RAD51B: variants seen among roughly 807,000 people sequenced by gnomAD.
RAD51B encodes RAD51 paralog B, also known as DNA repair protein RAD51 homolog 2.
A neutral mutation model predicts 42.2 loss-of-function variants in RAD51B; 38 were observed. The ratio of observed to expected loss-of-function variants is 0.90; its 90% CI spans 0.70 to 1.18. RAD51B has a LOEUF of 1.18. Among genes scored for constraint, RAD51B ranks in the 50% most tolerant of loss-of-function variants. The pLI, the probability that RAD51B is intolerant of heterozygous loss-of-function variation, is 0.00. For missense variants in RAD51B, 373 were observed against 400.7 expected, an observed-to-expected ratio of 0.93 and a Z score of 0.59; for synonymous variants, 154 against 145.2, an observed-to-expected ratio of 1.06 and a Z score of -0.43.
intron 7 of RAD51B, among the ~76,000 whole-genome samples, chr14:68,143,885 T>C (rs1256259097): frequency 6.6e-6 from 1 of 152,154 alleles, no homozygotes. Flanking sequence ...CTCACTCTCT[T>C]TCCTTGGCAA....
At chr14:68,255,176 A>G (rs1363908266) in intron 7 of RAD51B, among the ~76,000 whole-genome samples, 1 of 151,588 alleles carries the variant, frequency 6.6e-6, no homozygotes, top group African/African-American at 2.4e-5. Context: ...AAAAACATTA[A>G]TATCTTACGG....
At chr14:68,010,011 A>G (rs528159863) in intron 7 of RAD51B, among the ~76,000 whole-genome samples, 1 of 151,912 alleles carries the variant, frequency 6.6e-6, no homozygotes, top group East Asian at 1.9e-4. Context: ...GTTAACTGCC[A>G]CCTGTTTTGT....
chr14:68,671,482 T>C (rs1363974566), intron 11 of RAD51B, among the ~76,000 whole-genome samples: 2 of 152,054 alleles, frequency 1.3e-5, no homozygotes, highest in South Asian at 4.2e-4. Context: ...TCCTTGCTCA[T>C]TCCATTCCCT....
At chr14:68,392,064 T>C (rs3784117) in intron 8 of RAD51B, among the ~76,000 whole-genome samples, 16,832 of 152,250 alleles carry the variant, frequency 0.11, 1,223 homozygotes, top group East Asian at 0.35. Flanking sequence ...ACAGGTTTTC[T>C]AAAGGCTCAG....
At chr14:68,444,375 G>A (rs1430411653) in intron 9 of RAD51B, among the ~76,000 whole-genome samples, 1 of 152,130 alleles carries the variant, frequency 6.6e-6, no homozygotes, top group Non-Finnish European at 1.5e-5. Context: ...AAAAGTTGTA[G>A]TCACTGGATT....
chr14:68,525,870 A>G (rs1421257863), intron 10 of RAD51B, among the ~76,000 whole-genome samples: 1 of 152,200 alleles, frequency 6.6e-6, no homozygotes, highest in Non-Finnish European at 1.5e-5. Flanking sequence ...AACCTGAGCC[A>G]TTCTTGGGTT....
At chr14:68,338,962 T>C (rs2082514777) in intron 8 of RAD51B, 1 of 659,010 alleles carries the variant, frequency 1.5e-6, no homozygotes, top group Non-Finnish European at 2.8e-6. Flanking sequence ...TGTCCCAGTC[T>C]TGCCTTCCCC....
At chr14:68,199,216 G>A (rs1483676821) in intron 7 of RAD51B, among the ~76,000 whole-genome samples, 1 of 152,098 alleles carries the variant, frequency 6.6e-6, no homozygotes, top group Admixed American at 6.6e-5. Context: ...CTCCAACTGT[G>A]TCCAGACCAG....
chr14:68,044,056 C>T (rs72725174), intron 7 of RAD51B, among the ~76,000 whole-genome samples: 19,671 of 152,190 alleles, frequency 0.13, 1,485 homozygotes, highest in Middle Eastern at 0.29. Flanking sequence ...ATGACAAAAA[C>T]AGGTTTTTTC....
At chr14:68,539,073 A>G (rs1217038971) in intron 10 of RAD51B, among the ~76,000 whole-genome samples, 1 of 152,192 alleles carries the variant, frequency 6.6e-6, no homozygotes, top group Non-Finnish European at 1.5e-5. Context: ...GTATGGATAA[A>G]TGCCTATAAT....
Position 68,444,440 on chromosome 14 carries a change from TTGTGTGTGTGTGTGTG to T in RAD51B, c.958-23716_958-23701del, listed in dbSNP as rs3837661. On this transcript the variant is annotated intron_variant, in intron 9 of 10. Coordinates refer to ENST00000471583, the MANE Select transcript of RAD51B (RefSeq NM_133510.4). ...TTCCACAGGTGGAAAGAATTGTGAA[TTGTGTGTGTGTGTGTG>T]TGTGTGTGTGTGTGTTTTGAGGTGA... is the stretch of plus-strand genomic sequence containing the variant. Among the ~76,000 whole-genome samples, 11 of 150,268 alleles carry T rather than the reference TTGTGTGTGTGTGTGTG, an allele frequency of 7.3e-5. No individual in the cohort carries two copies. The East Asian group carries it at 1.2e-3, about 16-fold the overall frequency.
chr14:68,343,799 C>T (rs2082617629), intron 8 of RAD51B, among the ~76,000 whole-genome samples: 1 of 152,262 alleles, frequency 6.6e-6, no homozygotes, highest in Admixed American at 6.5e-5. Context: ...GCTTGAGACA[C>T]TGCTGTCTGC....
rs3043929 is a variant in RAD51B, at chr14:67,904,510, CTTT to C, written c.756+17323_756+17325del. 9.9e-3 allele frequency among the ~76,000 whole-genome samples: 1,186 copies of C among 120,212 alleles called. 18 individuals carry two copies. The highest frequency in any genetic ancestry group is 0.036 in the African/African-American group (1,118 of 30,750). 78.9% of individuals were successfully genotyped at this position (120,212 alleles called of 152,430 possible). A position where few individuals can be genotyped will look rare whatever the true frequency, so the allele number is the denominator to read the frequency against. On this transcript the variant is annotated intron_variant, in intron 7 of 10. Coordinates refer to ENST00000471583, the MANE Select transcript of RAD51B (RefSeq NM_133510.4). ...TTTCTCTAATGATTAGGAATGTTGACTTTTTTTTTTTTTTTTTTTGAGATGGAG... is the reference window on the plus strand; with the variant it reads ...TTTCTCTAATGATTAGGAATGTTGACTTTTTTTTTTTTTTTTGAGATGGAG...
intron 7 of RAD51B, among the ~76,000 whole-genome samples, chr14:68,261,220 G>A (rs780811356): frequency 2.0e-4 from 30 of 152,306 alleles, no homozygotes; most frequent in African/African-American, 6.0e-4. Context: ...AGTTTTTACC[G>A]GCTTTCTCTT....
intron 10 of RAD51B, among the ~76,000 whole-genome samples, chr14:68,487,234 C>A (rs1028239151): frequency 2.6e-5 from 4 of 152,168 alleles, no homozygotes; most frequent in Non-Finnish European, 5.9e-5. Context: ...AGGCCTCTCC[C>A]CTTGTCTTGC....
chr14:68,504,667 T>C (rs1356837018), intron 10 of RAD51B, among the ~76,000 whole-genome samples: 17 of 92,526 alleles, frequency 1.8e-4, no homozygotes, highest in Non-Finnish European at 3.0e-4. Context: ...TCTTTCTTTT[T>C]TTTTTTTTTT....
intron 7 of RAD51B, among the ~76,000 whole-genome samples, chr14:68,193,617 T>C (rs1361168755): frequency 1.3e-5 from 2 of 152,224 alleles, no homozygotes; most frequent in Admixed American, 1.3e-4. Context: ...AACAATTACA[T>C]CAAACTTTTA....
chr14:68,630,562 C>T (rs543477271), intron 10 of RAD51B, among the ~76,000 whole-genome samples: 1 of 152,160 alleles, frequency 6.6e-6, no homozygotes, highest in East Asian at 1.9e-4. Flanking sequence ...ATTTGTGATG[C>T]GATACTAGCT....
At chr14:67,927,277 G>A (rs1490574057) in intron 7 of RAD51B, among the ~76,000 whole-genome samples, 1 of 152,100 alleles carries the variant, frequency 6.6e-6, no homozygotes, top group Non-Finnish European at 1.5e-5. Context: ...TTTGCTGCAT[G>A]CATAGAATGT....
Sources: gnomAD v4.1 joint callset for allele counts (sites outside exome capture counted in the v4.1 genomes callset) on GRCh38, gnomAD v4.1.1 for gene constraint, MANE v1.5 for transcripts, NCBI Gene and HGNC (gene_info 2026-07-23, HGNC 2026-07-21) for gene names.